CFAP91: variants seen among roughly 807,000 people sequenced by gnomAD.
CFAP91 encodes cilia- and flagella-associated protein 91.
Under a neutral mutation model 95.9 loss-of-function variants are expected in CFAP91, and 85 were observed. The ratio of observed to expected loss-of-function variants is 0.89; its 90% confidence interval spans 0.74 to 1.06. The LOEUF (loss-of-function observed/expected upper bound fraction) is 1.06, where lower values mean the gene tolerates loss of function less well. CFAP91 is among the 50% of genes least tolerant of loss of function. The probability of loss-of-function intolerance (pLI) is 0.00; values close to 1 mark genes in which losing one functional copy is unlikely to be tolerated. For synonymous variants in CFAP91, 335 were observed against 327.5 expected (o/e 1.02, Z -0.25); for missense variants, 962 against 943.4 (o/e 1.02, Z -0.26).
intron 17 of CFAP91, among the ~76,000 whole-genome samples, chr3:119,756,190 G>A (rs1030464521): frequency 2.0e-5 from 3 of 152,138 alleles, no homozygotes; most frequent in Admixed American, 6.5e-5. Context: ...ACCTTTAAAA[G>A]CATTCAGAGA....
At chr3:119,753,535 C>A (rs2054367171) in intron 17 of CFAP91, among the ~76,000 whole-genome samples, 1 of 152,186 alleles carries the variant, frequency 6.6e-6, no homozygotes, top group Non-Finnish European at 1.5e-5. Flanking sequence ...TCTATTTTCA[C>A]AATTTCTAGA....
chr3:119,721,425 G>A (rs966869653), intron 6 of CFAP91, among the ~76,000 whole-genome samples: 6 of 152,150 alleles, frequency 3.9e-5, no homozygotes, highest in Admixed American at 3.9e-4. Flanking sequence ...AAAAGACATT[G>A]GTAATGCTCA....
chr3:119,761,594 A>G (rs1394496821), intron 17 of CFAP91, among the ~76,000 whole-genome samples: 1 of 151,966 alleles, frequency 6.6e-6, no homozygotes, highest in South Asian at 2.1e-4. Context: ...AAATTCTCAA[A>G]AAAAGTAACA....
chr3:119,740,416 G>A, intron 12 of CFAP91, 133 bp from the exon 13 acceptor site: 1 of 979,570 alleles, frequency 1.0e-6, no homozygotes, highest in Non-Finnish European at 1.5e-6. Context: ...GGACACATCT[G>A]CTCTGTGGAA....
chr3:119,728,664 C>G (rs1250696750), intron 7 of CFAP91, among the ~76,000 whole-genome samples: 1 of 152,184 alleles, frequency 6.6e-6, no homozygotes, highest in African/African-American at 2.4e-5. Flanking sequence ...AGTGCATTCA[C>G]TCTGAGAAAC....
At chr3:119,725,038 T>A (rs2053755378) in intron 6 of CFAP91, among the ~76,000 whole-genome samples, 1 of 152,266 alleles carries the variant, frequency 6.6e-6, no homozygotes, top group African/African-American at 2.4e-5. Context: ...CTGTACGTGG[T>A]AGAAATATGA....
chr3:119,751,192 A>T, intron 17 of CFAP91, 94 bp downstream of exon 17: 4 of 1,367,744 alleles, frequency 2.9e-6, no homozygotes, highest in Non-Finnish European at 3.9e-6. Context: ...CATAATGTGA[A>T]GATTGCTGTT....
At chr3:119,723,965 C>A (rs1457242362) in intron 6 of CFAP91, among the ~76,000 whole-genome samples, 1 of 151,656 alleles carries the variant, frequency 6.6e-6, no homozygotes, top group Non-Finnish European at 1.5e-5. Context: ...TTTGAGATCA[C>A]CCTGGCCAAC....
chr3:119,757,160 A>G (rs376396978), intron 17 of CFAP91, among the ~76,000 whole-genome samples: 313 of 152,338 alleles, frequency 2.1e-3, no homozygotes, highest in Middle Eastern at 3.4e-3. Context: ...GACATGCCAT[A>G]AAGATAAAGG....
At chr3:119,762,470 A>G (rs1361500550) in intron 17 of CFAP91, among the ~76,000 whole-genome samples, 1 of 152,108 alleles carries the variant, frequency 6.6e-6, no homozygotes, top group Non-Finnish European at 1.5e-5. Flanking sequence ...TTTTTCACAG[A>G]AATAGAAAAG....
At chr3:119,739,409 T>A in intron 12 of CFAP91, 83 bp downstream of exon 12, 1 of 1,270,818 alleles carries the variant, frequency 7.9e-7, no homozygotes, top group Non-Finnish European at 1.1e-6. Flanking sequence ...TTCCTTGGAG[T>A]GAATCCCTTT....
At chr3:119,703,591 G>A (rs984756165) in intron 1 of CFAP91, among the ~76,000 whole-genome samples, 6 of 152,196 alleles carry the variant, frequency 3.9e-5, no homozygotes, top group African/African-American at 1.4e-4. Context: ...CCAACTCTCT[G>A]GGCAAATCCA....
At chr3:119,707,750 A>ATATATATATATATATATATATATATATAT (rs1237395712) in intron 3 of CFAP91, among the ~76,000 whole-genome samples, 189 bp downstream of exon 3, 1 of 111,494 alleles carries the variant, frequency 9.0e-6, no homozygotes, top group African/African-American at 3.4e-5. Context: ...TATATATATA[A>ATATATATATATATATATATATATATATAT]TTTTGTCATA....
In CFAP91 at chr3:119,709,906, A is replaced by G. The variant is rs761343243; in HGVS notation, c.500+11A>G. The G allele has an allele frequency of 6.3e-7, 1 of 1,589,784 alleles. No homozygotes were observed. Among genetic ancestry groups the G allele is most frequent in the Non-Finnish European group, 8.6e-7 (1 of 1,159,046 alleles). ...TTATGCCGTATCCAAGTAAGTAACC[A>G]TTATTTGAAAACTCTTTTTCAGTTT... On this transcript the variant is annotated intron_variant, in intron 5 of 17. Coordinates refer to ENST00000273390, the MANE Select transcript of CFAP91 (RefSeq NM_033364.4).
chr3:119,748,679 C>A (rs1263888719), intron 16 of CFAP91, among the ~76,000 whole-genome samples: 1 of 152,162 alleles, frequency 6.6e-6, no homozygotes, highest in African/African-American at 2.4e-5. Flanking sequence ...GGAGTTCTAA[C>A]ACATTTGGAG....
chr3:119,750,209 A>G (rs558823652), intron 16 of CFAP91: 9 of 152,332 alleles, frequency 5.9e-5, no homozygotes, highest in African/African-American at 2.2e-4. Flanking sequence ...AAATTACCTA[A>G]TATCTCTGTG....
At chr3:119,751,706 G>A (rs1258935359) in intron 17 of CFAP91, among the ~76,000 whole-genome samples, 1 of 152,190 alleles carries the variant, frequency 6.6e-6, no homozygotes, top group Non-Finnish European at 1.5e-5. Flanking sequence ...ACACATAGCT[G>A]TTTTCTTTAG....
At position 119,730,351 on chromosome 3, in the gene CFAP91, C is replaced by T; in HGVS notation, c.992C>T (p.Ala331Val). 3 of 1,613,834 alleles carry T rather than the reference C, an allele frequency of 1.9e-6. No individual in the cohort carries two copies. The highest frequency in any genetic ancestry group is 2.5e-6 in the Non-Finnish European group (3 of 1,179,940). ...KLQEGKEAKMAKIQRTHVSTI... is the reference protein window; with the variant it reads ...KLQEGKEAKMVKIQRTHVSTI... ...CAGGAGGGAAAAGAGGCAAAAATGG[C>T]AAAAATTCAGCGCACGCATGTATCA... Residue 331 changes from alanine to valine, a missense_variant, in exon 8 of 18, where the codon GCA becomes GTA. Coordinates refer to ENST00000273390, the MANE Select transcript of CFAP91 (RefSeq NM_033364.4).
intron 17 of CFAP91, among the ~76,000 whole-genome samples, chr3:119,753,165 A>C (rs945370406): frequency 6.6e-6 from 1 of 152,152 alleles, no homozygotes; most frequent in Non-Finnish European, 1.5e-5. Context: ...TGGCATTTGG[A>C]GCTACTTTTT....
Sources: gnomAD v4.1 joint callset for allele counts (sites outside exome capture counted in the v4.1 genomes callset) on GRCh38, gnomAD v4.1.1 for gene constraint, MANE v1.5 for transcripts, NCBI Gene and HGNC (gene_info 2026-07-23, HGNC 2026-07-21) for gene names.